Variants in PTCHD4 observed in about 807,000 individuals in gnomAD.
PTCHD4 encodes the protein patched domain containing 4.
PTCHD4 carries 33 observed loss-of-function variants against 58.1 expected under a neutral mutation model. The ratio of observed to expected loss-of-function variants is 0.57; its 90% confidence interval spans 0.43 to 0.76. The LOEUF (loss-of-function observed/expected upper bound fraction) is 0.76, where lower values mean the gene tolerates loss of function less well. Among genes scored for constraint, PTCHD4 ranks in the 30% least tolerant of loss-of-function variants. The pLI, the probability that PTCHD4 is intolerant of heterozygous loss-of-function variation, is 0.00. For missense variants in PTCHD4, 1,058 were observed against 1,027.1 expected (o/e 1.03, Z -0.41); for synonymous variants, 478 against 409.6 (o/e 1.17, Z -2.02).
chr6:47,930,724 T>C (rs1189905956), intron 4 of PTCHD4, among the ~76,000 whole-genome samples: 1 of 152,212 alleles, frequency 6.6e-6, no homozygotes, highest in African/African-American at 2.4e-5. Context: ...GGAAATATTG[T>C]CTCCTTTCAT....
intron 1 of PTCHD4, among the ~76,000 whole-genome samples, chr6:48,081,585 A>G (rs1765168214): frequency 6.6e-6 from 1 of 152,170 alleles, no homozygotes; most frequent in South Asian, 2.1e-4. Context: ...TAGTATGCAT[A>G]TTATATAAAG....
chr6:47,991,635 A>T (rs1271078745), intron 4 of PTCHD4, among the ~76,000 whole-genome samples: 2 of 152,076 alleles, frequency 1.3e-5, no homozygotes, highest in Non-Finnish European at 2.9e-5. Flanking sequence ...TAAAAAAAAA[A>T]CTAACAATAG....
Position 47,948,700 on chromosome 6 carries a change from G to A in PTCHD4, c.898+59934C>T, listed in dbSNP as rs564705056. Among the ~76,000 whole-genome samples the A allele has an allele frequency of 2.6e-4, 39 of 151,986 alleles. No individual in the cohort carries two copies. The South Asian group carries it at 6.2e-3, about 24-fold the overall frequency. Reference sequence around the variant, plus strand: ...ATCTGACTTCCTTCTAATCCATTCCGCACACTGCAGCCTATAAGATCTTTT... The same window carrying A: ...ATCTGACTTCCTTCTAATCCATTCCACACACTGCAGCCTATAAGATCTTTT... On this transcript the variant is annotated intron_variant, in intron 4 of 4. Transcript: ENST00000339488.
intron 3 of PTCHD4, among the ~76,000 whole-genome samples, chr6:48,038,564 C>T (rs538829568): frequency 1.3e-5 from 2 of 150,126 alleles, no homozygotes; most frequent in Non-Finnish European, 3.0e-5. Context: ...CGCTTGAACC[C>T]GGGAGACAGA....
At chr6:48,095,535 A>T (rs938276743) in intron 1 of PTCHD4, among the ~76,000 whole-genome samples, 38 of 152,044 alleles carry the variant, frequency 2.5e-4, no homozygotes, top group African/African-American at 9.2e-4. Flanking sequence ...TACAAAAAAA[A>T]TTAACCGGGT....
chr6:47,862,631 G>A lies in PTCHD4; in HGVS notation c.*15672C>T, dbSNP rs1193092279. On this transcript the variant is annotated 3_prime_UTR_variant, in exon 5 of 5. Coordinates refer to ENST00000339488, the MANE Select transcript of PTCHD4 (RefSeq NM_001384253.1). ...GACAGAAGGGAAAAATTAGTTCTGTGTTATTTTAATTGAAATTCATGCTGA... is the reference window on the plus strand; with the variant it reads ...GACAGAAGGGAAAAATTAGTTCTGTATTATTTTAATTGAAATTCATGCTGA... 6.6e-6 allele frequency among the ~76,000 whole-genome samples: 1 copy of A among 151,632 alleles called. No individual in the cohort carries two copies. The highest frequency in any genetic ancestry group is 1.5e-5 in the Non-Finnish European group (1 of 67,790).
chr6:47,902,248 A>G (rs1300654388), intron 4 of PTCHD4, among the ~76,000 whole-genome samples: 1 of 152,194 alleles, frequency 6.6e-6, no homozygotes, highest in African/African-American at 2.4e-5. Flanking sequence ...TTTATTCAAC[A>G]TTCACATGCT....
chr6:47,961,821 A>T (rs1464058241), intron 4 of PTCHD4, among the ~76,000 whole-genome samples: 1 of 152,232 alleles, frequency 6.6e-6, no homozygotes, highest in Admixed American at 6.5e-5. Flanking sequence ...AAGAAGAAAG[A>T]TCTTAAATCA....
intron 4 of PTCHD4, among the ~76,000 whole-genome samples, chr6:47,937,710 T>C (rs750574670): frequency 3.9e-5 from 6 of 151,952 alleles, no homozygotes; most frequent in Non-Finnish European, 5.9e-5. Context: ...ACTGCAGAGA[T>C]GAATGGATAT....
In PTCHD4 at chr6:47,862,789, A is replaced by T. The variant is rs547385989; in HGVS notation, c.*15514T>A. On this transcript the variant is annotated 3_prime_UTR_variant, in exon 5 of 5. Coordinates refer to ENST00000339488, the MANE Select transcript of PTCHD4 (RefSeq NM_001384253.1). ...ACCCATTAATACTGTTTCCTTTGGA[A>T]TTGTAATACTCATCTGCTCTTCAGT... is the stretch of plus-strand genomic sequence containing the variant. 6.6e-6 allele frequency among the ~76,000 whole-genome samples: 1 copy of T among 151,994 alleles called. No homozygotes were observed. Among genetic ancestry groups the T allele is most frequent in the Non-Finnish European group, 1.5e-5 (1 of 67,834 alleles).
chr6:47,879,536 A>G lies in PTCHD4; in HGVS notation c.1299T>C (p.His433=), dbSNP rs751874118. 4.3e-6 allele frequency: 7 copies of G among 1,613,790 alleles called. No individual in the cohort carries two copies. Among genetic ancestry groups the G allele is most frequent in the Non-Finnish European group, 5.9e-6 (7 of 1,179,778 alleles). The part of the protein sequence containing the change: ...MSDGHQQTSH[H]ETNPYQHHFI... ...AGTGGTGCTGGTAGGGGTTCGTCTCATGATGGGACGTCTGTTGATGCCCAT... is the reference window on the plus strand; with the variant it reads ...AGTGGTGCTGGTAGGGGTTCGTCTCGTGATGGGACGTCTGTTGATGCCCAT... Residue 433 remains histidine (H), a synonymous_variant, in exon 5 of 5, where the codon CAT becomes CAC. Coordinates refer to ENST00000339488, the MANE Select transcript of PTCHD4 (RefSeq NM_001384253.1).
At chr6:47,991,700 C>G (rs1325710) in intron 4 of PTCHD4, among the ~76,000 whole-genome samples, 18,441 of 151,366 alleles carry the variant, frequency 0.12, 1,445 homozygotes, top group South Asian at 0.2. Context: ...CTAAATGGAG[C>G]TTAAATGATC....
At chr6:47,997,821 G>A (rs1768559691) in intron 4 of PTCHD4, among the ~76,000 whole-genome samples, 1 of 152,204 alleles carries the variant, frequency 6.6e-6, no homozygotes, top group East Asian at 1.9e-4. Flanking sequence ...ATTCTTGGAA[G>A]CCTAAGGTTG....
intron 3 of PTCHD4, among the ~76,000 whole-genome samples, chr6:48,019,783 A>G (rs2114108395): frequency 6.6e-6 from 1 of 152,270 alleles, no homozygotes; most frequent in South Asian, 2.1e-4. Context: ...TGATTAACAC[A>G]AGATGTCAAG....
chr6:48,076,380 G>C (rs1765064676), intron 1 of PTCHD4, among the ~76,000 whole-genome samples: 2 of 152,178 alleles, frequency 1.3e-5, no homozygotes, highest in Admixed American at 6.5e-5. Context: ...TTGCCCTTCT[G>C]TCATAAATCA....
chr6:48,103,973 A>G (rs1459391854), intron 1 of PTCHD4, among the ~76,000 whole-genome samples: 1 of 151,996 alleles, frequency 6.6e-6, no homozygotes, highest in Admixed American at 6.6e-5. Context: ...ATCTACGTCT[A>G]ATTGGTGTAC....
At chr6:47,929,174 A>C (rs1175372643) in intron 4 of PTCHD4, among the ~76,000 whole-genome samples, 1 of 152,208 alleles carries the variant, frequency 6.6e-6, no homozygotes, top group African/African-American at 2.4e-5. Flanking sequence ...ACAGTATAAA[A>C]TGAAAAAAAA....
intron 4 of PTCHD4, among the ~76,000 whole-genome samples, chr6:47,880,672 G>A (rs974870571): frequency 5.3e-5 from 8 of 152,094 alleles, no homozygotes; most frequent in African/African-American, 9.7e-5. Flanking sequence ...TGACTGCTTC[G>A]TTAAAGTGAA....
At chr6:47,951,927 G>A (rs1261165581) in intron 4 of PTCHD4, among the ~76,000 whole-genome samples, 3 of 152,004 alleles carry the variant, frequency 2.0e-5, no homozygotes, top group Non-Finnish European at 4.4e-5. Flanking sequence ...TTACCTCAAA[G>A]TTCTAGAGTA....
Sources: gnomAD v4.1 joint callset for allele counts (sites outside exome capture counted in the v4.1 genomes callset) on GRCh38, gnomAD v4.1.1 for gene constraint, MANE v1.5 for transcripts, NCBI Gene and HGNC (gene_info 2026-07-23, HGNC 2026-07-21) for gene names.